Variants in NHSL1 observed in about 807,000 individuals in gnomAD.
NHSL1 encodes the protein NHS-like protein 1.
In NHSL1, 48 loss-of-function variants were observed where a neutral mutation model predicts 95.0. That is an observed-to-expected ratio of 0.51 (90% confidence interval 0.40 to 0.64). The LOEUF is 0.64. NHSL1 is among the 30% of genes least tolerant of loss of function. The pLI, the probability that NHSL1 is intolerant of heterozygous loss-of-function variation, is 0.00. For missense variants in NHSL1, 1,971 were observed against 2,077.7 expected (o/e 0.95, Z 1.00); for synonymous variants, 783 against 833.9 (o/e 0.94, Z 1.05).
At chr6:138,678,270 G>A (rs1035820531) in intron 1 of NHSL1, among the ~76,000 whole-genome samples, 2 of 152,116 alleles carry the variant, frequency 1.3e-5, no homozygotes, top group Admixed American at 1.3e-4. Context: ...TTCTGACACT[G>A]ATCATGAATG....
intron 1 of NHSL1, among the ~76,000 whole-genome samples, chr6:138,596,821 T>C (rs1035852622): frequency 6.6e-6 from 1 of 152,074 alleles, no homozygotes; most frequent in African/African-American, 2.4e-5. Flanking sequence ...AAATAGTCTC[T>C]AGAGGCAGCG....
intron 1 of NHSL1, among the ~76,000 whole-genome samples, chr6:138,675,852 A>G (rs1267675841): frequency 6.6e-6 from 1 of 152,186 alleles, no homozygotes; most frequent in Non-Finnish European, 1.5e-5. Context: ...TTACATGATT[A>G]TATCTCACTG....
At chr6:138,546,952 C>T (rs114702976), upstream of NHSL1, among the ~76,000 whole-genome samples, 545 of 152,294 alleles carry the variant, frequency 3.6e-3, 5 homozygotes, top group African/African-American at 0.013. Context: ...CCATCTGAAC[C>T]CTAAGTGGCC....
At chr6:138,458,632 T>G (rs1166720278) in intron 3 of NHSL1, among the ~76,000 whole-genome samples, 1 of 152,006 alleles carries the variant, frequency 6.6e-6, no homozygotes, top group Non-Finnish European at 1.5e-5. Context: ...ATCGAGACCA[T>G]CCTGGCCACA....
chr6:138,547,946 A>T (rs1037416117), upstream of NHSL1, among the ~76,000 whole-genome samples: 7 of 152,168 alleles, frequency 4.6e-5, no homozygotes, highest in African/African-American at 1.4e-4. Context: ...AACTTTTCAA[A>T]TTGTACAGAG....
At chr6:138,562,852 T>C (rs989862076) in intron 1 of NHSL1, among the ~76,000 whole-genome samples, 2 of 152,100 alleles carry the variant, frequency 1.3e-5, no homozygotes, top group African/African-American at 4.8e-5. Flanking sequence ...TTCCTTCCAA[T>C]ACGGCTTCGA....
chr6:138,494,417 A>G (rs1240569616), intron 2 of NHSL1, among the ~76,000 whole-genome samples: 3 of 152,242 alleles, frequency 2.0e-5, no homozygotes, highest in Admixed American at 1.3e-4. Flanking sequence ...ATCTTGGGAA[A>G]GTTTCTAATC....
intron 1 of NHSL1, among the ~76,000 whole-genome samples, chr6:138,544,245 G>T (rs1312422979): frequency 2.0e-5 from 3 of 152,002 alleles, no homozygotes; most frequent in African/African-American, 7.3e-5. Context: ...TAAACATTTT[G>T]TAGAACAATT....
At chr6:138,526,106 A>T (rs1437932259) in intron 1 of NHSL1, among the ~76,000 whole-genome samples, 1 of 151,932 alleles carries the variant, frequency 6.6e-6, no homozygotes, top group African/African-American at 2.4e-5. Context: ...AAAAAAAAAA[A>T]AAGAAAATAT....
intron 1 of NHSL1, among the ~76,000 whole-genome samples, chr6:138,598,046 A>G (rs1200590956): frequency 1.3e-5 from 2 of 151,930 alleles, no homozygotes; most frequent in African/African-American, 2.4e-5. Context: ...CATGCTTATA[A>G]TCCCAGCACT....
At chr6:138,525,030 C>A (rs976127207) in intron 1 of NHSL1, among the ~76,000 whole-genome samples, 6 of 152,080 alleles carry the variant, frequency 3.9e-5, no homozygotes, top group Non-Finnish European at 7.4e-5. Flanking sequence ...GGCTACGAAC[C>A]ATGATGGAGA....
chr6:138,566,638 G>A (rs1162243190), intron 1 of NHSL1, among the ~76,000 whole-genome samples: 1 of 149,974 alleles, frequency 6.7e-6, no homozygotes, highest in Non-Finnish European at 1.5e-5. Context: ...CAAAACAAAT[G>A]CACAAAGTTT....
chr6:138,480,706 T>C (rs1025362167), intron 2 of NHSL1, among the ~76,000 whole-genome samples: 1 of 152,212 alleles, frequency 6.6e-6, no homozygotes, highest in Non-Finnish European at 1.5e-5. Context: ...CATTAAGCAT[T>C]GGGAGGACTC....
intron 1 of NHSL1, among the ~76,000 whole-genome samples, chr6:138,631,506 A>G (rs1293006016): frequency 5.9e-5 from 9 of 152,264 alleles, no homozygotes; most frequent in African/African-American, 1.7e-4. Flanking sequence ...ATTGTCTTGC[A>G]TCTTGAATAC....
intron 2 of NHSL1, among the ~76,000 whole-genome samples, chr6:138,490,000 G>C: frequency 6.7e-6 from 1 of 148,592 alleles, no homozygotes; most frequent in Non-Finnish European, 1.5e-5. Flanking sequence ...GAGAGAGAGA[G>C]AGAGACAAAG....
chr6:138,533,335 G>A (rs1782211261), intron 1 of NHSL1, among the ~76,000 whole-genome samples: 1 of 152,066 alleles, frequency 6.6e-6, no homozygotes, highest in African/African-American at 2.4e-5. Context: ...AGGCCGAGGT[G>A]GGCAAATCAC....
At chr6:138,660,396 T>A (rs1785211189) in intron 1 of NHSL1, among the ~76,000 whole-genome samples, 3 of 152,156 alleles carry the variant, frequency 2.0e-5, no homozygotes, top group African/African-American at 7.2e-5. Context: ...GAACCATTTA[T>A]ATAATAAAAG....
intron 1 of NHSL1, among the ~76,000 whole-genome samples, chr6:138,571,296 A>C (rs1001174965): frequency 6.6e-6 from 1 of 152,238 alleles, no homozygotes; most frequent in African/African-American, 2.4e-5. Context: ...GGATGCAAGA[A>C]GACTATGTAC....
chr6:138,457,346 G>A (rs149551675), intron 3 of NHSL1, among the ~76,000 whole-genome samples: 272 of 147,352 alleles, frequency 1.8e-3, no homozygotes, highest in African/African-American at 6.3e-3. Context: ...TGTGGATCTC[G>A]TTAGCAAAAC....
Sources: gnomAD v4.1 joint callset for allele counts (sites outside exome capture counted in the v4.1 genomes callset) on GRCh38, gnomAD v4.1.1 for gene constraint, MANE v1.5 for transcripts, NCBI Gene and HGNC (gene_info 2026-07-23, HGNC 2026-07-21) for gene names.